Variants in RCAN3 observed in about 807,000 individuals in gnomAD.
RCAN3 encodes regulator of calcineurin 3.
Under a neutral mutation model 21.9 loss-of-function variants are expected in RCAN3, and 19 were observed. The ratio of observed to expected loss-of-function variants is 0.87; its 90% CI spans 0.61 to 1.27. The LOEUF (loss-of-function observed/expected upper bound fraction) is 1.27, where lower values mean the gene tolerates loss of function less well. Among genes scored for constraint, RCAN3 ranks in the 50% most tolerant of loss-of-function variants. RCAN3 has a pLI of 0.00. For synonymous variants in RCAN3, 114 were observed against 112.3 expected (o/e 1.01, Z -0.09); for missense variants, 240 against 300.1 (o/e 0.80, Z 1.48).
In RCAN3 at chr1:24,514,546, GT is replaced by G. The variant is rs753834478; in HGVS notation, c.177del (p.Phe59LeufsTer34). On this transcript the variant is annotated frameshift_variant, in exon 2 of 5. Coordinates refer to ENST00000374395, the MANE Select transcript of RCAN3 (RefSeq NM_013441.4). LOFTEE classifies it high-confidence loss of function. ...TTGCTTGCAGCGTCCATGAAGCAGT[GT>G]TTGAGGCACGAGAGCAGAAGGTAGG... Reference protein sequence around the residue: ...LFACSVHEAVFEAREQKERFE... With the variant: ...LFACSVHEAVXEAREQKERFE... 7 of 1,614,088 alleles carry G rather than the reference GT, an allele frequency of 4.3e-6. No homozygotes were observed. The highest frequency in any genetic ancestry group is 5.9e-6 in the Non-Finnish European group (7 of 1,179,984).
intron 1 of RCAN3, among the ~76,000 whole-genome samples, chr1:24,505,231 TC>T (rs1335862382): frequency 0.16 from 12,767 of 78,312 alleles, 324 homozygotes; most frequent in East Asian, 0.31. Context: ...TTCTCTTTTT[TC>T]TTTTTTTTTT....
intron 2 of RCAN3, among the ~76,000 whole-genome samples, chr1:24,514,854 A>C (rs1171142234): frequency 3.3e-5 from 5 of 151,956 alleles, no homozygotes. Context: ...CTGTAATCCC[A>C]GCTACTCGCA....
At chr1:24,530,310 G>T (rs952947937) in intron 2 of RCAN3, among the ~76,000 whole-genome samples, 1 of 131,670 alleles carries the variant, frequency 7.6e-6, no homozygotes. Context: ...AGCCAAGATT[G>T]TACCACTGCA....
chr1:24,516,464 G>A (rs375095114), intron 2 of RCAN3, among the ~76,000 whole-genome samples: 57 of 152,136 alleles, frequency 3.7e-4, no homozygotes, highest in African/African-American at 1.3e-3. Context: ...TTTTGGCCAC[G>A]GGGAACAGAA....
At chr1:24,531,517 A>G in intron 3 of RCAN3, 126 bp downstream of exon 3, 1 of 560,046 alleles carries the variant, frequency 1.8e-6, no homozygotes, top group Non-Finnish European at 2.8e-6. Context: ...CAATCAGCAA[A>G]TAATACAAAA....
At chr1:24,504,710 AC>A (rs948052130) in intron 1 of RCAN3, among the ~76,000 whole-genome samples, 1 of 152,086 alleles carries the variant, frequency 6.6e-6, no homozygotes, top group African/African-American at 2.4e-5. Flanking sequence ...AAAGTTCAAC[AC>A]CGTTTGTTAC....
intron 1 of RCAN3, among the ~76,000 whole-genome samples, chr1:24,512,177 T>C (rs561410174): frequency 3.3e-5 from 5 of 151,994 alleles, no homozygotes; most frequent in African/African-American, 1.2e-4. Flanking sequence ...TGTGAAACCC[T>C]GTCTCTACTA....
At chr1:24,512,118 G>A (rs530877790) in intron 1 of RCAN3, among the ~76,000 whole-genome samples, 50 of 152,106 alleles carry the variant, frequency 3.3e-4, no homozygotes, top group Non-Finnish European at 6.6e-4. Context: ...GGGAGGCCGA[G>A]GCGGGCGGAT....
At chr1:24,533,537 C>T (rs532049032) in intron 4 of RCAN3, among the ~76,000 whole-genome samples, 2 of 152,186 alleles carry the variant, frequency 1.3e-5, no homozygotes, top group African/African-American at 2.4e-5. Flanking sequence ...TGGTGGCCCA[C>T]GCCTGTAATC....
intron 2 of RCAN3, among the ~76,000 whole-genome samples, chr1:24,530,352 T>A (rs1175399592): frequency 2.6e-3 from 155 of 59,986 alleles, no homozygotes; most frequent in African/African-American, 0.02. Context: ...GAGACTCTTA[T>A]CTCCAAAAAA....
chr1:24,531,247 T>G lies in RCAN3; in HGVS notation c.225T>G (p.Tyr75Ter). 2 of 1,607,846 alleles carry G rather than the reference T, an allele frequency of 1.2e-6. No individual in the cohort carries two copies. Among genetic ancestry groups the G allele is most frequent in the Middle Eastern group, 1.7e-4 (1 of 6,030 alleles). ...KERFEALFTIYDDQVTFQLFK... is the reference protein window; with the variant it reads ...KERFEALFTI ...GATTTGAAGCACTCTTCACCATCTA[T>G]GATGACCAGGTTACTTTTCAGCTGT... is the stretch of plus-strand genomic sequence containing the variant. The change falls in exon 3 of 5, where the codon TAT (tyrosine) becomes TAG (stop). Residue 75 changes from tyrosine to a stop codon, truncating the protein, a stop_gained. Transcript: ENST00000374395. LOFTEE classifies it high-confidence loss of function.
chr1:24,521,011 A>C (rs1445811356), intron 2 of RCAN3, among the ~76,000 whole-genome samples: 2 of 152,190 alleles, frequency 1.3e-5, no homozygotes, highest in Non-Finnish European at 2.9e-5. Flanking sequence ...AACAGTCTTG[A>C]AAACAAAGAA....
rs1343030792 is a variant in RCAN3 at position 24,540,478 on chromosome 1, A to G, written c.*5201A>G. 6.6e-6 allele frequency: 1 copy of G among 152,196 alleles called. No homozygotes were observed. The highest frequency in any genetic ancestry group is 2.4e-5 in the African/African-American group (1 of 41,450). The allele number at this position is 152,196 out of a possible 1,614,324, so 9.4% of individuals were successfully genotyped here. A position where few individuals can be genotyped will look rare whatever the true frequency, so the allele number is the denominator to read the frequency against. On this transcript the variant is annotated 3_prime_UTR_variant, in exon 5 of 5. Coordinates refer to ENST00000374395, the MANE Select transcript of RCAN3 (RefSeq NM_013441.4). ...CTATGCAGATAATACATGTTTTTAA[A>G]TACTGTTTTCTGTTTAGTCCTCAAT... is the stretch of plus-strand genomic sequence containing the variant.
At chr1:24,530,790 C>G (rs1207089109) in intron 2 of RCAN3, among the ~76,000 whole-genome samples, 2 of 152,196 alleles carry the variant, frequency 1.3e-5, no homozygotes, top group Admixed American at 6.5e-5. Flanking sequence ...GTGGACAGAT[C>G]ACTTGAGGTC....
chr1:24,532,386 C>G (rs2148912443), intron 3 of RCAN3, among the ~76,000 whole-genome samples: 1 of 152,106 alleles, frequency 6.6e-6, no homozygotes, highest in South Asian at 2.1e-4. Context: ...GCCACCACAC[C>G]TAGCTAATTT....
chr1:24,514,688 G>T lies in RCAN3; in HGVS notation c.195+121G>T, dbSNP rs545707088. 10 of 992,918 alleles carry T rather than the reference G, an allele frequency of 1.0e-5. No individual in the cohort carries two copies. The South Asian group carries it at 1.7e-4, about 17-fold the overall frequency. 61.5% of individuals were successfully genotyped at this position (992,918 alleles called of 1,614,324 possible). On this transcript the variant is annotated intron_variant, in intron 2 of 4. Transcript: ENST00000374395. Reference sequence around the variant, plus strand: ...ATAGAAAGTGTATGTCCACTTTTAGGCCGGGCGCATTGGCTCACACCTGTA... The same window carrying T: ...ATAGAAAGTGTATGTCCACTTTTAGTCCGGGCGCATTGGCTCACACCTGTA...
chr1:24,521,909 G>C (rs988023518), intron 2 of RCAN3, among the ~76,000 whole-genome samples: 19 of 151,790 alleles, frequency 1.3e-4, no homozygotes, highest in East Asian at 5.8e-4. Context: ...TTGCTGGGGG[G>C]GGTGGGGAAA....
intron 3 of RCAN3, among the ~76,000 whole-genome samples, chr1:24,532,302 C>T (rs1319159534): frequency 6.6e-6 from 1 of 152,122 alleles, no homozygotes; most frequent in Admixed American, 6.5e-5. Flanking sequence ...TCTCAGCTCA[C>T]CACAACCTCC....
At position 24,538,066 on chromosome 1, in the gene RCAN3, A is replaced by G. The variant is rs1426929188; in HGVS notation, c.*2789A>G. 3 of 152,242 alleles carry G rather than the reference A, an allele frequency of 2.0e-5. No homozygotes were observed. 9.4% of individuals were successfully genotyped at this position (152,242 alleles called of 1,614,324 possible). A position where few individuals can be genotyped will look rare whatever the true frequency, so the allele number is the denominator to read the frequency against. On this transcript the variant is annotated 3_prime_UTR_variant, in exon 5 of 5. Transcript: ENST00000374395. Reference sequence around the variant, plus strand: ...AAGGATTAGAAAACCGTAACACTTAACAAGGATAGTCACAGAACCGACGCT... The same window carrying G: ...AAGGATTAGAAAACCGTAACACTTAGCAAGGATAGTCACAGAACCGACGCT...
Sources: gnomAD v4.1 joint callset for allele counts (sites outside exome capture counted in the v4.1 genomes callset) on GRCh38, gnomAD v4.1.1 for gene constraint, MANE v1.5 for transcripts, NCBI Gene and HGNC (gene_info 2026-07-23, HGNC 2026-07-21) for gene names.